KCNN3: variants seen among roughly 807,000 people sequenced by gnomAD.
The protein encoded by KCNN3 is small conductance calcium-activated potassium channel protein 3.
A neutral mutation model predicts 62.9 loss-of-function variants in KCNN3; 16 were observed. The observed-to-expected ratio is 0.25, with a 90% CI of 0.17 to 0.39. The LOEUF is 0.39. KCNN3 is among the 10% of genes least tolerant of loss of function. The pLI is 1.00. For synonymous variants in KCNN3, 370 were observed against 389.2 expected (o/e 0.95, Z 0.58); for missense variants, 599 against 949.4 (o/e 0.63, Z 4.85).
intron 2 of KCNN3, among the ~76,000 whole-genome samples, chr1:154,783,220 A>G (rs1256882782): frequency 2.0e-5 from 3 of 151,894 alleles, no homozygotes; most frequent in African/African-American, 4.8e-5. Flanking sequence ...CTCAAAAAAA[A>G]AAAAAGAAAA....
At chr1:154,812,001 G>A (rs1485663820) in intron 2 of KCNN3, among the ~76,000 whole-genome samples, 2 of 152,204 alleles carry the variant, frequency 1.3e-5, no homozygotes, top group African/African-American at 2.4e-5. Context: ...TGAGTGCCAT[G>A]TTTCTTAATA....
At chr1:154,747,076 A>G (rs1300311060) in intron 3 of KCNN3, among the ~76,000 whole-genome samples, 1 of 152,052 alleles carries the variant, frequency 6.6e-6, no homozygotes, top group Non-Finnish European at 1.5e-5. Flanking sequence ...GGGCAGTCCC[A>G]CCAGCTATCC....
At chr1:154,863,148 A>G (rs534129660) in intron 1 of KCNN3, among the ~76,000 whole-genome samples, 2 of 152,216 alleles carry the variant, frequency 1.3e-5, no homozygotes, top group Non-Finnish European at 2.9e-5. Flanking sequence ...ACCAGAAAGT[A>G]GCGTGGTCCC....
At chr1:154,853,938 C>G (rs770912194) in intron 1 of KCNN3, among the ~76,000 whole-genome samples, 1 of 150,256 alleles carries the variant, frequency 6.7e-6, no homozygotes, top group East Asian at 2.0e-4. Context: ...AGTGAGACTC[C>G]GTCTCACAAA....
chr1:154,784,284 T>C lies in KCNN3; in HGVS notation c.1030-11891A>G, dbSNP rs536823459. Among the ~76,000 whole-genome samples, 7 of 152,278 alleles carry C rather than the reference T, an allele frequency of 4.6e-5. No homozygotes were observed. In the South Asian group the frequency reaches 1.2e-3, roughly 27 times the overall value. ...ATGTCACCTCCCCTTCTAGAACCTT[T>C]CCGTGGCAACCCAGAGTGTCCACCC... On this transcript the variant is annotated intron_variant, in intron 2 of 7. Coordinates refer to ENST00000271915, the MANE Select transcript of KCNN3 (RefSeq NM_002249.6).
At chr1:154,717,849 G>T (rs1700263050) in intron 5 of KCNN3, among the ~76,000 whole-genome samples, 1 of 152,196 alleles carries the variant, frequency 6.6e-6, no homozygotes, top group Admixed American at 6.5e-5. Context: ...GCTTTTAACT[G>T]CACTGTGCTT....
chr1:154,852,210 CT>C (rs35319660), intron 1 of KCNN3, among the ~76,000 whole-genome samples: 47 of 149,984 alleles, frequency 3.1e-4, no homozygotes, highest in Admixed American at 3.0e-3. Context: ...TGAATCTATT[CT>C]TTTTTTTTTC....
At chr1:154,734,138 G>A (rs775502876) in intron 3 of KCNN3, among the ~76,000 whole-genome samples, 8 of 152,178 alleles carry the variant, frequency 5.3e-5, no homozygotes, top group Non-Finnish European at 1.0e-4. Flanking sequence ...GAAAGCCCAG[G>A]GCTTATACAA....
At position 154,720,821 on chromosome 1, in the gene KCNN3, G is replaced by A. The variant is rs551709167; in HGVS notation, c.1701+5095C>T. On this transcript the variant is annotated intron_variant, in intron 5 of 7. Transcript: ENST00000271915. ...AGGTAGCAGGCTGCTGTGATAGTGCGAGACAGAAGATGGCGGCTTCAAGAG... is the reference window on the plus strand; with the variant it reads ...AGGTAGCAGGCTGCTGTGATAGTGCAAGACAGAAGATGGCGGCTTCAAGAG... Among the ~76,000 whole-genome samples, 123 of 152,322 alleles carry A rather than the reference G, an allele frequency of 8.1e-4. 1 individual carries two copies. Among genetic ancestry groups the A allele is most frequent in the South Asian group, 2.5e-3 (12 of 4,822 alleles).
intron 2 of KCNN3, among the ~76,000 whole-genome samples, chr1:154,794,248 T>C (rs949905420): frequency 4.6e-5 from 7 of 152,260 alleles, no homozygotes; most frequent in Admixed American, 2.0e-4. Context: ...ATCTGACTAA[T>C]GTCTGGCCTG....
At chr1:154,835,673 G>A (rs1422558844) in intron 1 of KCNN3, among the ~76,000 whole-genome samples, 1 of 152,236 alleles carries the variant, frequency 6.6e-6, no homozygotes, top group African/African-American at 2.4e-5. Flanking sequence ...TCTTGGCACA[G>A]AGGAGGCTGT....
At chr1:154,833,659 C>T (rs1459030052) in intron 1 of KCNN3, among the ~76,000 whole-genome samples, 1 of 152,202 alleles carries the variant, frequency 6.6e-6, no homozygotes, top group Admixed American at 6.5e-5. Context: ...CTGATAATGC[C>T]CTAAGCCTTC....
intron 5 of KCNN3, among the ~76,000 whole-genome samples, chr1:154,716,757 T>C (rs574614679): frequency 2.5e-4 from 38 of 152,258 alleles, no homozygotes; most frequent in African/African-American, 8.4e-4. Context: ...TGGTGGAAAG[T>C]TGGAAACGGT....
intron 1 of KCNN3, among the ~76,000 whole-genome samples, chr1:154,847,301 C>A (rs1454636111): frequency 1.3e-5 from 2 of 152,004 alleles, no homozygotes; most frequent in African/African-American, 4.8e-5. Context: ...GGCCCCAGAT[C>A]CAGGGCTCTT....
At chr1:154,811,942 G>A (rs1404079714) in intron 2 of KCNN3, among the ~76,000 whole-genome samples, 1 of 152,190 alleles carries the variant, frequency 6.6e-6, no homozygotes, top group Non-Finnish European at 1.5e-5. Context: ...GGCACAGCAG[G>A]GGTGGCTGCA....
chr1:154,815,797 C>T (rs1650638451), intron 2 of KCNN3, among the ~76,000 whole-genome samples: 1 of 152,182 alleles, frequency 6.6e-6, no homozygotes, highest in Admixed American at 6.5e-5. Context: ...CTTTCTTTTA[C>T]AGGGAGAAGG....
rs908943844 is a variant in KCNN3 at position 154,706,301 on chromosome 1, G to A, written c.*1675C>T. The A allele has an allele frequency of 3.9e-5, 6 of 152,194 alleles. No homozygotes were observed. The highest frequency in any genetic ancestry group is 1.4e-4 in the African/African-American group (6 of 41,444). 9.4% of individuals were successfully genotyped at this position (152,194 alleles called of 1,614,324 possible). On this transcript the variant is annotated 3_prime_UTR_variant, in exon 8 of 8. Coordinates refer to ENST00000271915, the MANE Select transcript of KCNN3 (RefSeq NM_002249.6). ...AAGCCACTGCCTTCAGAATGGTGAT[G>A]ATGTCTTCTTACAAAGGTAAACCCA... is the stretch of plus-strand genomic sequence containing the variant.
chr1:154,713,130 C>T (rs1700112858), intron 7 of KCNN3, among the ~76,000 whole-genome samples: 1 of 152,146 alleles, frequency 6.6e-6, no homozygotes, highest in Non-Finnish European at 1.5e-5. Flanking sequence ...GCTTCACAGC[C>T]GTGCAAACTC....
intron 4 of KCNN3, among the ~76,000 whole-genome samples, chr1:154,730,183 T>C (rs1700563379): frequency 6.6e-6 from 1 of 152,256 alleles, no homozygotes; most frequent in Non-Finnish European, 1.5e-5. Context: ...GGAAAGATGC[T>C]GGACTTTAAT....
Sources: gnomAD v4.1 joint callset for allele counts (sites outside exome capture counted in the v4.1 genomes callset) on GRCh38, gnomAD v4.1.1 for gene constraint, MANE v1.5 for transcripts, NCBI Gene and HGNC (gene_info 2026-07-23, HGNC 2026-07-21) for gene names.